DPP10: variants seen among roughly 807,000 people sequenced by gnomAD.
DPP10 encodes the protein inactive dipeptidyl peptidase 10.
A neutral mutation model predicts 120.9 loss-of-function variants in DPP10; 33 were observed. The observed-to-expected ratio is 0.27, with a 90% CI of 0.21 to 0.37. The LOEUF (loss-of-function observed/expected upper bound fraction) is 0.37. DPP10 is among the 10% of genes least tolerant of loss of function. DPP10 has a pLI of 1.00. For missense variants in DPP10, 816 were observed against 942.8 expected, an observed-to-expected ratio of 0.87 and a Z score of 1.76; for synonymous variants, 337 against 326.1, an observed-to-expected ratio of 1.03 and a Z score of -0.36.
intron 1 of DPP10, among the ~76,000 whole-genome samples, chr2:114,566,564 C>T (rs1244353810): frequency 6.6e-6 from 1 of 152,166 alleles, no homozygotes; most frequent in Admixed American, 6.5e-5. Flanking sequence ...AGATCTAATC[C>T]ATAATACAAA....
intron 4 of DPP10, among the ~76,000 whole-genome samples, chr2:115,501,509 G>A (rs999345215): frequency 8.6e-5 from 13 of 151,826 alleles, no homozygotes; most frequent in Admixed American, 7.2e-4. Context: ...TACATTAGCC[G>A]TGACTCTTAA....
At chr2:115,207,416 CAAAAA>C (rs57462947) in intron 1 of DPP10, among the ~76,000 whole-genome samples, 704 of 52,204 alleles carry the variant, frequency 0.013, 8 homozygotes, top group African/African-American at 0.043. Flanking sequence ...CTTACTGCAC[CAAAAA>C]AAAAAAAAAA....
intron 1 of DPP10, among the ~76,000 whole-genome samples, chr2:115,113,181 A>G (rs538142755): frequency 0.17 from 3 of 18 alleles, no homozygotes; most frequent in African/African-American, 0.21. Context: ...TATATAACAC[A>G]TACAATATAT....
chr2:115,541,360 A>G (rs978848737), intron 5 of DPP10, among the ~76,000 whole-genome samples: 3 of 151,802 alleles, frequency 2.0e-5, no homozygotes, highest in Non-Finnish European at 4.4e-5. Flanking sequence ...TTTCTGATAA[A>G]TCACTGTATC....
At chr2:115,759,396 TA>T (rs573763257) in intron 11 of DPP10, among the ~76,000 whole-genome samples, 157 of 141,244 alleles carry the variant, frequency 1.1e-3, no homozygotes, top group Admixed American at 1.1e-3. Flanking sequence ...CATTTCTATA[TA>T]AAAAAAAAAA....
chr2:114,452,972 T>C (rs1678371153), intron 1 of DPP10, among the ~76,000 whole-genome samples: 1 of 152,022 alleles, frequency 6.6e-6, no homozygotes, highest in Non-Finnish European at 1.5e-5. Context: ...CCCACAACTC[T>C]TGTTGGTTAG....
intron 1 of DPP10, among the ~76,000 whole-genome samples, chr2:115,104,925 G>A (rs1290649126): frequency 2.0e-5 from 3 of 151,812 alleles, no homozygotes; most frequent in Admixed American, 6.6e-5. Flanking sequence ...AGAATTGCTT[G>A]AACCCAGGAG....
At chr2:115,689,998 A>G in intron 7 of DPP10, 77 bp downstream of exon 7, 1 of 1,436,696 alleles carries the variant, frequency 7.0e-7, no homozygotes, top group Non-Finnish European at 9.5e-7. Context: ...ACTTTGGAAA[A>G]ACCATAGGAA....
chr2:115,612,975 A>T (rs2084226416), intron 5 of DPP10, among the ~76,000 whole-genome samples: 1 of 152,156 alleles, frequency 6.6e-6, no homozygotes, highest in Non-Finnish European at 1.5e-5. Context: ...ATAAAATGGT[A>T]CATAAATCAA....
chr2:115,698,973 G>T (rs2091738774), intron 7 of DPP10, among the ~76,000 whole-genome samples: 1 of 121,250 alleles, frequency 8.2e-6, no homozygotes, highest in African/African-American at 2.9e-5. Flanking sequence ...TCAAAAGTTG[G>T]TTCTTCAAAA....
At chr2:114,710,299 T>C (rs1268627974) in intron 1 of DPP10, among the ~76,000 whole-genome samples, 1 of 152,246 alleles carries the variant, frequency 6.6e-6, no homozygotes. Context: ...TTGAAGGTAT[T>C]TGCTATGTAG....
intron 3 of DPP10, among the ~76,000 whole-genome samples, chr2:115,344,262 A>G (rs2063603476): frequency 6.6e-6 from 1 of 152,122 alleles, no homozygotes; most frequent in African/African-American, 2.4e-5. Context: ...TTCCTAAGAT[A>G]GGGCGTCAAT....
intron 21 of DPP10, among the ~76,000 whole-genome samples, chr2:115,825,777 G>A (rs1688249817): frequency 6.6e-6 from 1 of 152,116 alleles, no homozygotes. Context: ...TGAAATGTTT[G>A]GCTATGCCAT....
chr2:114,606,941 G>T (rs74856828), intron 1 of DPP10, among the ~76,000 whole-genome samples: 2 of 152,062 alleles, frequency 1.3e-5, no homozygotes, highest in Non-Finnish European at 2.9e-5. Context: ...CTATTTCCCC[G>T]CCTGGGATAT....
At chr2:115,118,905 G>A (rs981910488) in intron 1 of DPP10, among the ~76,000 whole-genome samples, 1 of 152,140 alleles carries the variant, frequency 6.6e-6, no homozygotes, top group African/African-American at 2.4e-5. Context: ...GTGAGCCACC[G>A]CGTCCAGCCT....
At chr2:115,837,244 C>G (rs1689630896) in intron 24 of DPP10, among the ~76,000 whole-genome samples, 1 of 152,148 alleles carries the variant, frequency 6.6e-6, no homozygotes, top group African/African-American at 2.4e-5. Context: ...AAGGCACTTT[C>G]ATATCATCTC....
At chr2:114,946,168 C>T (rs10178498) in intron 1 of DPP10, among the ~76,000 whole-genome samples, 17 of 152,066 alleles carry the variant, frequency 1.1e-4, no homozygotes, top group African/African-American at 3.6e-4. Flanking sequence ...AGAAAATCAG[C>T]GTAAAGTATG....
chr2:115,224,904 T>C (rs1275424947), intron 1 of DPP10, among the ~76,000 whole-genome samples: 2 of 152,132 alleles, frequency 1.3e-5, no homozygotes, highest in Non-Finnish European at 2.9e-5. Context: ...GAGACAGGTA[T>C]GAGTATCATT....
intron 4 of DPP10, among the ~76,000 whole-genome samples, chr2:115,514,277 T>C (rs990133816): frequency 2.6e-5 from 4 of 151,812 alleles, no homozygotes; most frequent in Non-Finnish European, 4.4e-5. Context: ...AAACTTGGAA[T>C]TTTTTGAACT....
Sources: gnomAD v4.1 joint callset for allele counts (sites outside exome capture counted in the v4.1 genomes callset) on GRCh38, gnomAD v4.1.1 for gene constraint, MANE v1.5 for transcripts, NCBI Gene and HGNC (gene_info 2026-07-23, HGNC 2026-07-21) for gene names.